KCNU1: variants seen among roughly 807,000 people sequenced by gnomAD.
KCNU1 encodes the protein potassium calcium-activated channel subfamily U member 1, also known as potassium channel subfamily U member 1.
Under a neutral mutation model 126.8 loss-of-function variants are expected in KCNU1, and 93 were observed. The ratio of observed to expected loss-of-function variants is 0.73; its 90% CI spans 0.62 to 0.87. KCNU1 has a LOEUF of 0.87. Among genes scored for constraint, KCNU1 ranks in the 40% least tolerant of loss-of-function variants. The pLI is 0.00. For synonymous variants in KCNU1, 523 were observed against 494.2 expected, an observed-to-expected ratio of 1.06 and a Z score of -0.77; for missense variants, 1,330 against 1,367.1, an observed-to-expected ratio of 0.97 and a Z score of 0.43.
chr8:36,862,863 C>G (rs551100944), intron 18 of KCNU1, among the ~76,000 whole-genome samples: 4 of 152,118 alleles, frequency 2.6e-5, no homozygotes, highest in Non-Finnish European at 5.9e-5. Context: ...ATTCCATAAC[C>G]CAGTTTCCAT....
rs377047782 is a variant in KCNU1, at chr8:36,857,075, G to A, written c.1892-7329G>A. Among the ~76,000 whole-genome samples, 11 of 152,318 alleles carry A rather than the reference G, an allele frequency of 7.2e-5. No homozygotes were observed. In the East Asian group the frequency reaches 1.9e-3, roughly 27 times the overall value. On this transcript the variant is annotated intron_variant, in intron 18 of 26. Transcript: ENST00000399881. ...GCCATTGCTCCCGAGCTTGCAGGAT[G>A]GTGGGTGGTGTTGGAAAAGAAGACC...
chr8:36,890,905 G>A (rs922844348), intron 19 of KCNU1, among the ~76,000 whole-genome samples: 3 of 150,338 alleles, frequency 2.0e-5, no homozygotes, highest in South Asian at 2.1e-4. Flanking sequence ...TTTTCATGCC[G>A]TTATTTTCCA....
chr8:36,853,932 G>A (rs1199885460), intron 18 of KCNU1, among the ~76,000 whole-genome samples: 3 of 152,088 alleles, frequency 2.0e-5, no homozygotes. Context: ...CTAAGTTCTT[G>A]TTAATCTTAA....
chr8:36,902,818 A>AT lies in KCNU1; in HGVS notation c.2010-2890_2010-2889insT, dbSNP rs941694391. ...ATCAGGGTCCTGTCTGGTATGATTA[A>AT]GAGAGCCGGTGGGGCTTTTGGAACT... is the stretch of plus-strand genomic sequence containing the variant. On this transcript the variant is annotated intron_variant, in intron 19 of 26. Coordinates refer to ENST00000399881, the MANE Select transcript of KCNU1 (RefSeq NM_001031836.3). Among the ~76,000 whole-genome samples the AT allele has an allele frequency of 2.1e-4, 32 of 152,238 alleles. 1 individual carries two copies. The highest frequency in any genetic ancestry group is 7.7e-4 in the African/African-American group (32 of 41,552).
intron 19 of KCNU1, among the ~76,000 whole-genome samples, chr8:36,897,073 T>C (rs899074142): frequency 2.4e-4 from 36 of 152,090 alleles, no homozygotes; most frequent in African/African-American, 7.9e-4. Flanking sequence ...TATGGGACAA[T>C]AGCAAAAAGA....
At chr8:36,925,981 C>G (rs1188783273) in intron 24 of KCNU1, among the ~76,000 whole-genome samples, 1 of 152,092 alleles carries the variant, frequency 6.6e-6, no homozygotes, top group African/African-American at 2.4e-5. Flanking sequence ...CAGTTCTCGT[C>G]CCCCAGATCA....
At chr8:36,803,899 C>T (rs922684479) in intron 2 of KCNU1, 128 bp from the exon 3 acceptor site, 3 of 703,772 alleles carry the variant, frequency 4.3e-6, no homozygotes, top group Non-Finnish European at 7.6e-6. Flanking sequence ...TGAATACTAA[C>T]ATAAGTGAAT....
At position 36,936,043 on chromosome 8, in the gene KCNU1, T is replaced by A; in HGVS notation, c.*123T>A. ...ATTTTTCTGCCCATTGCTTAGTGGTTCATGAAGGCCACACTGTTTTGGGTG... is the reference window on the plus strand; with the variant it reads ...ATTTTTCTGCCCATTGCTTAGTGGTACATGAAGGCCACACTGTTTTGGGTG... On this transcript the variant is annotated 3_prime_UTR_variant, in exon 27 of 27. Coordinates refer to ENST00000399881, the MANE Select transcript of KCNU1 (RefSeq NM_001031836.3). The A allele has an allele frequency of 1.2e-6, 1 of 817,438 alleles. No individual in the cohort carries two copies. Among genetic ancestry groups the A allele is most frequent in the Non-Finnish European group, 1.9e-6 (1 of 533,844 alleles). The allele number at this position is 817,438 out of a possible 1,614,324, so 50.6% of individuals were successfully genotyped here.
intron 10 of KCNU1, among the ~76,000 whole-genome samples, chr8:36,822,109 C>T (rs888048092): frequency 1.3e-5 from 2 of 152,070 alleles, no homozygotes; most frequent in African/African-American, 4.8e-5. Context: ...CTCATTTTAA[C>T]CAAGAAGATA....
chr8:36,866,425 C>T (rs184469381), intron 19 of KCNU1, among the ~76,000 whole-genome samples: 246 of 152,132 alleles, frequency 1.6e-3, no homozygotes, highest in Non-Finnish European at 2.7e-3. Context: ...TATAAAAGTC[C>T]GGGAATTACA....
intron 1 of KCNU1, among the ~76,000 whole-genome samples, chr8:36,785,206 T>A (rs922302012): frequency 1.6e-4 from 25 of 152,180 alleles, no homozygotes; most frequent in African/African-American, 6.0e-4. Context: ...TGGCAAATGA[T>A]GATGATGAGA....
intron 1 of KCNU1, 48 bp downstream of exon 1, chr8:36,784,653 T>G: frequency 7.1e-7 from 1 of 1,410,150 alleles, no homozygotes; most frequent in East Asian, 2.3e-5. Context: ...AGAGATGAGT[T>G]TGGGGTAGTT....
intron 22 of KCNU1, among the ~76,000 whole-genome samples, chr8:36,916,282 A>T (rs1358188314): frequency 3.4e-5 from 5 of 148,866 alleles, no homozygotes; most frequent in African/African-American, 5.0e-5. Flanking sequence ...GGAAGGAAGG[A>T]AACAAAAGGA....
At chr8:36,845,997 T>A (rs1805131402) in intron 18 of KCNU1, 98 bp downstream of exon 18, 1 of 719,554 alleles carries the variant, frequency 1.4e-6, no homozygotes, top group Admixed American at 2.3e-5. Flanking sequence ...CAATGTCCAT[T>A]TGAACTTGGC....
chr8:36,926,705 C>A (rs923644936), intron 24 of KCNU1, among the ~76,000 whole-genome samples: 1 of 152,074 alleles, frequency 6.6e-6, no homozygotes, highest in Non-Finnish European at 1.5e-5. Flanking sequence ...CCATAATATC[C>A]CTCCACAAAG....
chr8:36,794,489 T>C (rs573842511), intron 2 of KCNU1, among the ~76,000 whole-genome samples: 2 of 152,166 alleles, frequency 1.3e-5, no homozygotes, highest in Non-Finnish European at 2.9e-5. Flanking sequence ...TTTAGTATTT[T>C]TTTTCCAATT....
Position 36,806,290 on chromosome 8 carries a change from A to G in KCNU1, c.490A>G (p.Ile164Val), listed in dbSNP as rs1194919933. The G allele has an allele frequency of 1.2e-6, 2 of 1,609,818 alleles. No individual in the cohort carries two copies. Among genetic ancestry groups the G allele is most frequent in the Admixed American group, 1.7e-5 (1 of 59,520 alleles). ...GLRFMAADDK[I>V]KFWLEMNSIV... is the part of the protein sequence containing the mutation. ...ATAGTTTATGGCAGCTGATGACAAG[A>G]TCAAGTTCTGGCTGGAGATGAATTC... Residue 164 changes from isoleucine (I) to valine (V), a missense_variant, in exon 5 of 27, where the codon ATC (isoleucine) becomes GTC (valine). By Grantham distance (29) the Ile-to-Val change is conservative. Coordinates refer to ENST00000399881, the MANE Select transcript of KCNU1 (RefSeq NM_001031836.3).
At chr8:36,902,882 T>G (rs2211720) in intron 19 of KCNU1, among the ~76,000 whole-genome samples, 52,274 of 151,942 alleles carry the variant, frequency 0.34, 9,672 homozygotes, top group Admixed American at 0.42. Context: ...GATATTTAAG[T>G]TGCCAAAAGA....
intron 19 of KCNU1, among the ~76,000 whole-genome samples, chr8:36,896,741 G>T (rs1306328238): frequency 6.6e-6 from 1 of 152,028 alleles, no homozygotes; most frequent in Admixed American, 6.6e-5. Flanking sequence ...ACAGTAAAAA[G>T]AGCTTAGACA....
Sources: allele counts gnomAD v4.1 joint callset (sites outside exome capture counted in the v4.1 genomes callset), GRCh38; gene constraint gnomAD v4.1.1; transcripts MANE v1.5; gene names NCBI Gene and HGNC (gene_info 2026-07-23, HGNC 2026-07-21).